Variants in GLRX3 observed in about 807,000 individuals in gnomAD.
GLRX3 encodes the protein glutaredoxin 3.
Under a neutral mutation model 49.5 loss-of-function variants are expected in GLRX3, and 22 were observed. The ratio of observed to expected loss-of-function variants is 0.44; its 90% CI spans 0.32 to 0.63. The LOEUF (loss-of-function observed/expected upper bound fraction) is 0.63. GLRX3 is among the 30% of genes least tolerant of loss of function. GLRX3 has a pLI of 0.05. For missense variants in GLRX3, 385 were observed against 396.3 expected, an observed-to-expected ratio of 0.97 and a Z score of 0.24; for synonymous variants, 133 against 140.0, an observed-to-expected ratio of 0.95 and a Z score of 0.35.
rs1862889266 is a variant in GLRX3 at position 130,175,062 on chromosome 10, G to A, written c.930G>A (p.Glu310=). 6.9e-6 allele frequency: 11 copies of A among 1,589,538 alleles called. No homozygotes were observed. Among genetic ancestry groups the A allele is most frequent in the Non-Finnish European group, 9.5e-6 (11 of 1,158,180 alleles). ...ACCCTCAGCTGTATGTGAAAGGGGA[G>A]CTGGTGGGAGGATTGGATATTGTGA... ...PTYPQLYVKG[E]LVGGLDIVKE... is the part of the protein sequence containing the mutation. The change falls in exon 10 of 11, where the codon GAG becomes GAA. Residue 310 remains glutamate (E), a synonymous_variant. Coordinates refer to ENST00000331244, the MANE Select transcript of GLRX3 (RefSeq NM_006541.5).
At chr10:130,174,805 A>T (rs1015946070) in intron 8 of GLRX3, 62 bp from the exon 9 acceptor site, 1 of 1,017,514 alleles carries the variant, frequency 9.8e-7, no homozygotes, top group Non-Finnish European at 1.5e-6. Context: ...CATCAAATGC[A>T]TAGAGGTTTT....
intron 2 of GLRX3, among the ~76,000 whole-genome samples, chr10:130,158,834 A>AT (rs1862525086): frequency 6.6e-6 from 1 of 152,208 alleles, no homozygotes; most frequent in South Asian, 2.1e-4. Context: ...ATATAAGTAC[A>AT]TTTTAAAAAT....
intron 1 of GLRX3, among the ~76,000 whole-genome samples, chr10:130,139,634 T>TC (rs1862135764): frequency 8.2e-6 from 1 of 121,340 alleles, no homozygotes; most frequent in South Asian, 2.8e-4. Flanking sequence ...AGACGAAGAC[T>TC]CCATCTCAAA....
At chr10:130,160,755 T>C (rs763551230) in intron 3 of GLRX3, 41 bp from the exon 4 acceptor site, 8 of 1,068,922 alleles carry the variant, frequency 7.5e-6, no homozygotes, top group African/African-American at 4.7e-5. Flanking sequence ...GTCATTATTA[T>C]GGAATGCTGC....
intron 10 of GLRX3, among the ~76,000 whole-genome samples, chr10:130,178,721 A>G (rs1446291555): frequency 6.6e-6 from 1 of 152,034 alleles, no homozygotes; most frequent in Non-Finnish European, 1.5e-5. Flanking sequence ...GAATGAATGA[A>G]TGAGATGGAG....
intron 2 of GLRX3, among the ~76,000 whole-genome samples, chr10:130,154,008 C>T (rs1232710339): frequency 6.6e-6 from 1 of 152,230 alleles, no homozygotes. Context: ...CTACTCAAGC[C>T]TCAGCAATGG....
intron 6 of GLRX3, 46 bp downstream of exon 6, chr10:130,167,026 A>T: frequency 9.7e-7 from 1 of 1,035,266 alleles, no homozygotes; most frequent in Non-Finnish European, 1.4e-6. Flanking sequence ...TTAATATATT[A>T]AAAATATTTT....
chr10:130,144,529 C>T (rs991506278), intron 1 of GLRX3, among the ~76,000 whole-genome samples: 1 of 151,726 alleles, frequency 6.6e-6, no homozygotes, highest in Non-Finnish European at 1.5e-5. Flanking sequence ...TCATTGTTCA[C>T]CTCCCACTTA....
At chr10:130,174,639 C>CT in intron 8 of GLRX3, among the ~76,000 whole-genome samples, 1 of 152,318 alleles carries the variant, frequency 6.6e-6, no homozygotes, top group East Asian at 1.9e-4. Flanking sequence ...CACCCCTGGT[C>CT]TAACCCAATA....
intron 2 of GLRX3, among the ~76,000 whole-genome samples, chr10:130,157,997 T>C (rs1004510043): frequency 6.6e-5 from 10 of 152,220 alleles, no homozygotes; most frequent in African/African-American, 2.2e-4. Flanking sequence ...TGGAGAACTC[T>C]TTTGCCTTAA....
intron 1 of GLRX3, among the ~76,000 whole-genome samples, chr10:130,142,130 T>C (rs1022635072): frequency 8.5e-5 from 13 of 152,174 alleles, no homozygotes; most frequent in African/African-American, 3.1e-4. Context: ...GCTCCTACAA[T>C]GTGTCCTTCC....
chr10:130,160,972 A>G lies in GLRX3; in HGVS notation c.453A>G (p.Lys151=), dbSNP rs1248349378. 2.5e-6 allele frequency: 4 copies of G among 1,613,224 alleles called. No individual in the cohort carries two copies. The highest frequency in any genetic ancestry group is 3.4e-6 in the Non-Finnish European group (4 of 1,179,692). ...CTGCCCCCTGCATGCTGTTTATGAA[A>G]GGAACTCCTCAAGAACCACGCTGTG... The part of the protein sequence containing the change: ...THAAPCMLFM[K]GTPQEPRCGF... The change falls in exon 4 of 11, where the codon AAA becomes AAG. Residue 151 remains lysine, a synonymous_variant. Coordinates refer to ENST00000331244, the MANE Select transcript of GLRX3 (RefSeq NM_006541.5).
rs1190180400 is a variant in GLRX3, at chr10:130,172,417, A to G, written c.824+781A>G. Among the ~76,000 whole-genome samples the G allele has an allele frequency of 2.0e-5, 3 of 152,224 alleles. No individual in the cohort carries two copies. In the East Asian group the frequency reaches 5.8e-4, roughly 29 times the overall value. On this transcript the variant is annotated intron_variant, in intron 8 of 10. Transcript: ENST00000331244. ...GAAGCTGTCAGGTAAGAACATTGCC[A>G]TTGATTTTTGTGGTTAAAAACAAAA... is the stretch of plus-strand genomic sequence containing the variant.
chr10:130,144,305 G>A (rs370941750), intron 1 of GLRX3, among the ~76,000 whole-genome samples: 5 of 97,862 alleles, frequency 5.1e-5, no homozygotes, highest in Non-Finnish European at 9.9e-5. Flanking sequence ...TTTTTTTTTC[G>A]TTTACTTTAA....
intron 1 of GLRX3, among the ~76,000 whole-genome samples, chr10:130,139,882 T>G (rs1416805272): frequency 6.6e-6 from 1 of 152,196 alleles, no homozygotes; most frequent in Non-Finnish European, 1.5e-5. Context: ...TGAGCTATGA[T>G]CCTGCCACTG....
intron 1 of GLRX3, among the ~76,000 whole-genome samples, chr10:130,143,061 C>G (rs1471462355): frequency 1.3e-5 from 2 of 152,304 alleles, no homozygotes; most frequent in African/African-American, 4.8e-5. Flanking sequence ...ACTTCCTTTC[C>G]TCAGGTTGGC....
At chr10:130,144,615 A>G (rs1862237626) in intron 1 of GLRX3, among the ~76,000 whole-genome samples, 1 of 152,096 alleles carries the variant, frequency 6.6e-6, no homozygotes, top group Non-Finnish European at 1.5e-5. Flanking sequence ...AGCTTCATCC[A>G]TGTCCCTGCA....
At chr10:130,169,067 G>A (rs932191393) in intron 6 of GLRX3, among the ~76,000 whole-genome samples, 1 of 152,150 alleles carries the variant, frequency 6.6e-6, no homozygotes, top group African/African-American at 2.4e-5. Context: ...GCAGCATCAT[G>A]ATGGAAGATG....
chr10:130,136,625 T>C (rs959487076), intron 1 of GLRX3, 113 bp downstream of exon 1: 101 of 1,195,070 alleles, frequency 8.5e-5, no homozygotes, highest in Non-Finnish European at 1.0e-4. Flanking sequence ...CCCGGCTCCC[T>C]TCGGCCTCGG....
Sources: gnomAD v4.1 joint callset for allele counts (sites outside exome capture counted in the v4.1 genomes callset) on GRCh38, gnomAD v4.1.1 for gene constraint, MANE v1.5 for transcripts, NCBI Gene and HGNC (gene_info 2026-07-23, HGNC 2026-07-21) for gene names.